XNDC1N: variants seen among roughly 807,000 people sequenced by gnomAD.
XNDC1N encodes protein XNDC1N.
the XNDC1N span, chr11:71,917,790 G>T: frequency 7.6e-3 from 5,362 of 702,994 alleles, 230 homozygotes; most frequent in African/African-American, 0.082. Context: ...GGGACAAAAG[G>T]TTGAGAGAAG....
the XNDC1N span, among the ~76,000 whole-genome samples, chr11:71,866,546 C>T: frequency 0.045 from 6,895 of 151,974 alleles, 524 homozygotes; most frequent in African/African-American, 0.16. Context: ...CTTTGGGAGG[C>T]CGAGGTCAGG....
the XNDC1N span, chr11:71,917,596 T>A: frequency 4.3e-6 from 3 of 703,686 alleles, no homozygotes; most frequent in Non-Finnish European, 7.8e-6. Context: ...ACCACCCCCA[T>A]CTTTTCTGCT....
the XNDC1N span, among the ~76,000 whole-genome samples, chr11:71,914,160 T>G: frequency 6.6e-6 from 1 of 152,200 alleles, no homozygotes. Flanking sequence ...AAATAAATTC[T>G]GTAAGGCTAT....
chr11:71,912,951 G>T, the XNDC1N span, among the ~76,000 whole-genome samples: 1 of 152,110 alleles, frequency 6.6e-6, no homozygotes, highest in African/African-American at 2.4e-5. Context: ...GGGGTGTACT[G>T]CCTCTGTGAT....
chr11:71,897,995 C>A, the XNDC1N span, among the ~76,000 whole-genome samples: 2 of 152,136 alleles, frequency 1.3e-5, no homozygotes, highest in Non-Finnish European at 2.9e-5. Flanking sequence ...CCAGCCTGGC[C>A]ATCTTGGTGA....
chr11:71,865,772 T>G, the XNDC1N span: 3 of 158,312 alleles, frequency 1.9e-5, no homozygotes, highest in Non-Finnish European at 2.1e-5. Flanking sequence ...AGAAGAACAG[T>G]TTTTTTTTTT....
At chr11:71,926,908 G>GAAATAAAATA in the XNDC1N span, among the ~76,000 whole-genome samples, 3,039 of 149,162 alleles carry the variant, frequency 0.02, 84 homozygotes, top group African/African-American at 0.061. Context: ...CTCAAAAAAT[G>GAAATAAAATA]AAATAAAATA....
the XNDC1N span, among the ~76,000 whole-genome samples, chr11:71,871,761 T>C: frequency 6.6e-6 from 1 of 152,192 alleles, no homozygotes; most frequent in Non-Finnish European, 1.5e-5. Flanking sequence ...GATGAAAAGA[T>C]TATCAGAATC....
chr11:71,923,177 T>G, the XNDC1N span: 5 of 662,592 alleles, frequency 7.5e-6, no homozygotes, highest in Non-Finnish European at 1.3e-5. Context: ...GAGCTGTTTC[T>G]TCTCTTAGAC....
At chr11:71,893,202 T>C in the XNDC1N span, among the ~76,000 whole-genome samples, 2 of 152,216 alleles carry the variant, frequency 1.3e-5, no homozygotes, top group Non-Finnish European at 2.9e-5. Context: ...CACGGAGTTG[T>C]TATATGTGAC....
the XNDC1N span, among the ~76,000 whole-genome samples, chr11:71,888,950 C>T: frequency 6.6e-6 from 1 of 152,194 alleles, no homozygotes; most frequent in African/African-American, 2.4e-5. Context: ...CAGACCTGAC[C>T]TCTGGGACCA....
At chr11:71,877,490 T>C in the XNDC1N span, among the ~76,000 whole-genome samples, 1 of 152,128 alleles carries the variant, frequency 6.6e-6, no homozygotes, top group African/African-American at 2.4e-5. Flanking sequence ...ATACAAAACT[T>C]AGCCAGGCAT....
the XNDC1N span, among the ~76,000 whole-genome samples, chr11:71,915,163 C>T: frequency 4.6e-5 from 7 of 152,100 alleles, no homozygotes; most frequent in Middle Eastern, 3.4e-3. Context: ...GATTACGACT[C>T]GCTGGCCGGG....
the XNDC1N span, chr11:71,865,647 A>G: frequency 5.5e-6 from 1 of 182,740 alleles, no homozygotes; most frequent in Non-Finnish European, 1.2e-5. Flanking sequence ...TTTCTTTCTG[A>G]TGATACTCTC....
chr11:71,865,526 CTTTTTA>C, the XNDC1N span: 27,031 of 156,320 alleles, frequency 0.17, 4,155 homozygotes, highest in African/African-American at 0.41. Flanking sequence ...AATCTAATTT[CTTTTTA>C]TTTTTAAGTG....
At chr11:71,911,456 G>A in the XNDC1N span, among the ~76,000 whole-genome samples, 5 of 152,196 alleles carry the variant, frequency 3.3e-5, no homozygotes, top group Admixed American at 6.5e-5. Flanking sequence ...GTGGATGGGA[G>A]CAGCTTCTTC....
At chr11:71,872,907 A>G in the XNDC1N span, among the ~76,000 whole-genome samples, 2 of 152,278 alleles carry the variant, frequency 1.3e-5, no homozygotes, top group South Asian at 2.1e-4. Flanking sequence ...CATATTCAGG[A>G]TAGAGGGTTT....
At chr11:71,919,840 A>G in the XNDC1N span, among the ~76,000 whole-genome samples, 1 of 137,120 alleles carries the variant, frequency 7.3e-6, no homozygotes, top group Non-Finnish European at 1.5e-5. Flanking sequence ...GATGGTCTCG[A>G]TCTCCTGACC....
chr11:71,909,561 T>C, the XNDC1N span, among the ~76,000 whole-genome samples: 2 of 152,208 alleles, frequency 1.3e-5, no homozygotes, highest in East Asian at 3.9e-4. Context: ...GCTCAAGCGT[T>C]CCCAAAGAGC....
Sources: allele counts gnomAD v4.1 joint callset (sites outside exome capture counted in the v4.1 genomes callset), GRCh38; gene constraint gnomAD v4.1.1; transcripts MANE v1.5; gene names NCBI Gene and HGNC (gene_info 2026-07-23, HGNC 2026-07-21).